OR51B5: variants seen among roughly 807,000 people sequenced by gnomAD.
The protein encoded by OR51B5 is olfactory receptor family 51 subfamily B member 5, also known as olfactory receptor 51B5.
For missense variants in OR51B5, 456 were observed against 374.6 expected (o/e 1.22, Z -1.79); for synonymous variants, 186 against 144.8 (o/e 1.28, Z -2.04).
chr11:5,357,757 C>G (rs1281658392), intron 1 of OR51B5, among the ~76,000 whole-genome samples: 13 of 150,274 alleles, frequency 8.7e-5, no homozygotes, highest in African/African-American at 3.2e-4. Context: ...CACTCCTCAG[C>G]AAATGTAAAA....
At chr11:5,343,315 C>G (rs1213637599) in exon 1 of OR51B5, 1 of 1,455,722 alleles carries the variant, frequency 6.9e-7, no homozygotes, top group Non-Finnish European at 9.4e-7. Context: ...TCAGGGCCAG[C>G]CCCAGGTCTG....
intron 1 of OR51B5, among the ~76,000 whole-genome samples, chr11:5,424,897 G>T (rs1850422320): frequency 1.9e-5 from 2 of 105,164 alleles, no homozygotes; most frequent in East Asian, 4.1e-4. Context: ...CAGGAGAATG[G>T]CGGGAACCCG....
chr11:5,441,473 G>C, intron 1 of OR51B5: 1 of 1,613,336 alleles, frequency 6.2e-7, no homozygotes, highest in Non-Finnish European at 8.5e-7. Flanking sequence ...CTGTCAGCTG[G>C]AGTGTTGCTG....
chr11:5,359,567 C>T lies in OR51B5; in HGVS notation n.85-12657G>A, dbSNP rs1849248972. ...CAATATCATGAAAATGGCCATACAGCCCAAGGTAATTTATAGATTCAATGC... is the reference window on the plus strand; with the variant it reads ...CAATATCATGAAAATGGCCATACAGTCCAAGGTAATTTATAGATTCAATGC... On this transcript the variant is annotated intron_variant and non_coding_transcript_variant, in intron 1 of 4. Transcript: ENST00000415970. Among the ~76,000 whole-genome samples, 3 of 142,886 alleles carry T rather than the reference C, an allele frequency of 2.1e-5. No homozygotes were observed. In the South Asian group the frequency reaches 7.0e-4, roughly 33 times the overall value. The allele number at this position is 142,886 out of a possible 152,430, so 93.7% of individuals were successfully genotyped here.
At chr11:5,454,042 T>C (rs766381087) in intron 1 of OR51B5, 2 of 1,613,798 alleles carry the variant, frequency 1.2e-6, no homozygotes, top group East Asian at 4.5e-5. Flanking sequence ...CCAGACATGA[T>C]GAGGCTTGCC....
chr11:5,361,056 G>A lies in OR51B5; in HGVS notation n.85-14146C>T, dbSNP rs920608515. Among the ~76,000 whole-genome samples the A allele has an allele frequency of 2.0e-5, 3 of 151,964 alleles. No homozygotes were observed. The South Asian group carries it at 6.2e-4, about 32-fold the overall frequency. Reference sequence around the variant, plus strand: ...CCTAATGCTAAGTGACGAGTTAATGGGTGCAGCACACCAACATGGCACATG... The same window carrying A: ...CCTAATGCTAAGTGACGAGTTAATGAGTGCAGCACACCAACATGGCACATG... On this transcript the variant is annotated intron_variant and non_coding_transcript_variant, in intron 1 of 4. Coordinates refer to the OR51B5 transcript ENST00000415970.
chr11:5,398,124 C>T (rs1849908463), intron 1 of OR51B5, among the ~76,000 whole-genome samples: 1 of 152,130 alleles, frequency 6.6e-6, no homozygotes, highest in Non-Finnish European at 1.5e-5. Flanking sequence ...ATGGGTGCAG[C>T]ACACCAACAT....
At chr11:5,451,077 G>A (rs139594800) in intron 1 of OR51B5, among the ~76,000 whole-genome samples, 139 of 152,302 alleles carry the variant, frequency 9.1e-4, no homozygotes, top group African/African-American at 3.1e-3. Flanking sequence ...GAAAATAAAT[G>A]TAAAGTTCCT....
At chr11:5,362,953 G>T (rs75726508) in intron 1 of OR51B5, 56,843 of 156,342 alleles carry the variant, frequency 0.36, 10,880 homozygotes, top group Non-Finnish European at 0.39. Context: ...TATAATAAAT[G>T]CAGATGTATG....
chr11:5,448,857 CT>C (rs1301893446), intron 1 of OR51B5, among the ~76,000 whole-genome samples: 1 of 152,198 alleles, frequency 6.6e-6, no homozygotes, highest in African/African-American at 2.4e-5. Context: ...ATTAAACCTT[CT>C]AGTTATTCAC....
At chr11:5,418,257 G>C (rs1850271864) in intron 1 of OR51B5, among the ~76,000 whole-genome samples, 1 of 151,994 alleles carries the variant, frequency 6.6e-6, no homozygotes. Context: ...GACTGTTGTG[G>C]GGTGCGGGGA....
At chr11:5,345,491 G>A (rs1848976989), upstream of OR51B5, among the ~76,000 whole-genome samples, 1 of 152,130 alleles carries the variant, frequency 6.6e-6, no homozygotes, top group Non-Finnish European at 1.5e-5. Context: ...CTAGATTTCT[G>A]TTTGAACAAA....
chr11:5,365,746 T>A (rs927121652), intron 1 of OR51B5, among the ~76,000 whole-genome samples: 9 of 152,196 alleles, frequency 5.9e-5, no homozygotes, highest in Admixed American at 4.6e-4. Context: ...AAAATAGATA[T>A]AAGCTTTTGA....
intron 1 of OR51B5, among the ~76,000 whole-genome samples, chr11:5,442,802 T>G (rs1850710473): frequency 6.6e-6 from 1 of 152,214 alleles, no homozygotes; most frequent in South Asian, 2.1e-4. Context: ...CAAATTTCTC[T>G]ATGGTCACCT....
intron 1 of OR51B5, among the ~76,000 whole-genome samples, chr11:5,396,956 G>T (rs558254789): frequency 5.3e-4 from 80 of 152,288 alleles, no homozygotes; most frequent in African/African-American, 1.8e-3. Flanking sequence ...AATGGGGAAA[G>T]GATTCCCTGT....
chr11:5,394,896 T>G (rs1849844353), intron 1 of OR51B5, among the ~76,000 whole-genome samples: 1 of 152,168 alleles, frequency 6.6e-6, no homozygotes, highest in Non-Finnish European at 1.5e-5. Context: ...ACTTGCTCAG[T>G]GAATGACAGT....
chr11:5,347,341 G>A (rs1000480159), upstream of OR51B5, among the ~76,000 whole-genome samples: 1 of 152,170 alleles, frequency 6.6e-6, no homozygotes, highest in African/African-American at 2.4e-5. Context: ...CAGAGAGCTA[G>A]ATAGACTAGA....
intron 1 of OR51B5, among the ~76,000 whole-genome samples, chr11:5,474,546 G>A (rs922310341): frequency 9.9e-5 from 15 of 152,184 alleles, no homozygotes; most frequent in South Asian, 4.2e-4. Context: ...CTTAAGACAC[G>A]AAATTTTTGA....
intron 1 of OR51B5, among the ~76,000 whole-genome samples, chr11:5,349,629 T>G (rs1849044942): frequency 6.6e-6 from 1 of 152,200 alleles, no homozygotes; most frequent in Non-Finnish European, 1.5e-5. Flanking sequence ...TAACAATGAA[T>G]ACCTATAATA....
Sources: gnomAD v4.1 joint callset for allele counts (sites outside exome capture counted in the v4.1 genomes callset) on GRCh38, gnomAD v4.1.1 for gene constraint, MANE v1.5 for transcripts, NCBI Gene and HGNC (gene_info 2026-07-23, HGNC 2026-07-21) for gene names.